The following DCLK2 variants were observed in gnomAD, a reference collection of about 807,000 sequenced individuals.
DCLK2 encodes the protein doublecortin like kinase 2.
Under a neutral mutation model 78.4 loss-of-function variants are expected in DCLK2, and 31 were observed. That is an observed-to-expected ratio of 0.40 (90% CI 0.30 to 0.53). The LOEUF (loss-of-function observed/expected upper bound fraction) is 0.53, where lower values mean the gene tolerates loss of function less well. Among genes scored for constraint, DCLK2 ranks in the 20% least tolerant of loss-of-function variants. The pLI is 0.61. For missense variants in DCLK2, 872 were observed against 973.7 expected, an observed-to-expected ratio of 0.90 and a Z score of 1.39; for synonymous variants, 407 against 374.9, an observed-to-expected ratio of 1.09 and a Z score of -0.99.
At chr4:150,155,826 G>C (rs892151660) in intron 2 of DCLK2, among the ~76,000 whole-genome samples, 4 of 152,134 alleles carry the variant, frequency 2.6e-5, no homozygotes, top group Non-Finnish European at 5.9e-5. Flanking sequence ...GAGGAAAACG[G>C]GAAGCCTACA....
chr4:150,160,364 C>T (rs1013001269), intron 2 of DCLK2, among the ~76,000 whole-genome samples: 1 of 152,018 alleles, frequency 6.6e-6, no homozygotes, highest in Non-Finnish European at 1.5e-5. Flanking sequence ...ATTTTTGTCC[C>T]CTGAGAGTTA....
At chr4:150,198,949 C>G (rs1739266936) in intron 4 of DCLK2, 1 of 975,224 alleles carries the variant, frequency 1.0e-6, no homozygotes, top group African/African-American at 1.7e-5. Flanking sequence ...TCGTTTTACC[C>G]TTTTGAACGC....
At chr4:150,095,815 C>G (rs550164668) in intron 1 of DCLK2, among the ~76,000 whole-genome samples, 4 of 152,090 alleles carry the variant, frequency 2.6e-5, no homozygotes, top group Non-Finnish European at 5.9e-5. Flanking sequence ...CTTGAAGGGT[C>G]AGTGGAAGAG....
intron 2 of DCLK2, among the ~76,000 whole-genome samples, chr4:150,190,238 GA>G: frequency 4.0e-5 from 1 of 24,760 alleles, no homozygotes; most frequent in East Asian, 2.4e-3. Flanking sequence ...TGGATAGTTA[GA>G]TAGATAGATA....
intron 2 of DCLK2, among the ~76,000 whole-genome samples, chr4:150,149,995 CAAAG>C (rs543042040): frequency 3.4e-4 from 51 of 152,114 alleles, no homozygotes; most frequent in African/African-American, 1.2e-3. Context: ...AGCATTTTGA[CAAAG>C]AACATAATTG....
At chr4:150,095,062 T>A (rs1730360395) in intron 1 of DCLK2, among the ~76,000 whole-genome samples, 1 of 152,230 alleles carries the variant, frequency 6.6e-6, no homozygotes, top group Non-Finnish European at 1.5e-5. Context: ...ATTAATATAT[T>A]GTAAGCTCAG....
intron 5 of DCLK2, among the ~76,000 whole-genome samples, chr4:150,214,796 T>C (rs1420069527): frequency 3.3e-5 from 5 of 152,032 alleles, no homozygotes; most frequent in African/African-American, 9.6e-5. Context: ...ACCCCATCTC[T>C]ACTAAAAATA....
chr4:150,225,475 T>C (rs1005385792), intron 8 of DCLK2, among the ~76,000 whole-genome samples: 9 of 152,254 alleles, frequency 5.9e-5, no homozygotes, highest in African/African-American at 2.2e-4. Context: ...TTAGATTCCA[T>C]TGTGGTAACA....
intron 3 of DCLK2, among the ~76,000 whole-genome samples, chr4:150,193,614 C>A (rs1738640145): frequency 6.6e-6 from 1 of 152,076 alleles, no homozygotes; most frequent in Admixed American, 6.6e-5. Context: ...GAACATGAAA[C>A]AATTAGTCAT....
intron 5 of DCLK2, among the ~76,000 whole-genome samples, chr4:150,216,199 T>G (rs1329206579): frequency 6.6e-6 from 1 of 152,240 alleles, no homozygotes; most frequent in East Asian, 1.9e-4. Flanking sequence ...CATAGGACCC[T>G]CTGACATAAC....
chr4:150,254,696 ATT>A (rs1744435206), intron 15 of DCLK2, among the ~76,000 whole-genome samples: 2 of 152,034 alleles, frequency 1.3e-5, no homozygotes, highest in African/African-American at 4.8e-5. Flanking sequence ...AGTTTTGTTT[ATT>A]GAGACAGGAT....
intron 2 of DCLK2, among the ~76,000 whole-genome samples, chr4:150,103,140 A>G (rs1356866306): frequency 6.6e-6 from 1 of 152,214 alleles, no homozygotes; most frequent in Non-Finnish European, 1.5e-5. Context: ...CATGTCATCT[A>G]TTTATGAATA....
intron 2 of DCLK2, among the ~76,000 whole-genome samples, chr4:150,117,797 T>C (rs1387682959): frequency 1.3e-5 from 2 of 152,170 alleles, no homozygotes; most frequent in Admixed American, 1.3e-4. Flanking sequence ...TTTCAGAGGG[T>C]CTGTGGTTTC....
At chr4:150,240,726 G>A (rs1266817040) in intron 12 of DCLK2, among the ~76,000 whole-genome samples, 1 of 136,120 alleles carries the variant, frequency 7.3e-6, no homozygotes, top group East Asian at 2.1e-4. Context: ...ATGTGCACAT[G>A]TACCCTAAAA....
rs530961783 is a variant in DCLK2, at chr4:150,250,263, C to G, written c.2073+579C>G. 6.9e-4 allele frequency among the ~76,000 whole-genome samples: 105 copies of G among 152,186 alleles called. 2 individuals are homozygous for G. The highest frequency in any genetic ancestry group is 2.5e-3 in the African/African-American group (102 of 41,514). ...ACAACGATGGCCTTATTTTTTTCAGCCTTTTCTTCTTCCAAAATGTTTCTT... is the reference window on the plus strand; with the variant it reads ...ACAACGATGGCCTTATTTTTTTCAGGCTTTTCTTCTTCCAAAATGTTTCTT... On this transcript the variant is annotated intron_variant, in intron 15 of 15. Transcript: ENST00000296550.
chr4:150,180,985 G>C (rs1446166783), intron 2 of DCLK2, among the ~76,000 whole-genome samples: 1 of 152,034 alleles, frequency 6.6e-6, no homozygotes, highest in South Asian at 2.1e-4. Context: ...CAGAGATCGG[G>C]AACACCCTGG....
At chr4:150,102,406 C>A in intron 1 of DCLK2, 72 bp from the exon 2 acceptor site, 1 of 1,460,096 alleles carries the variant, frequency 6.8e-7, no homozygotes, top group Non-Finnish European at 9.3e-7. Flanking sequence ...GGGTTTCCAG[C>A]ATCTGTTCTT....
intron 10 of DCLK2, among the ~76,000 whole-genome samples, chr4:150,237,716 C>A (rs544051096): frequency 1.3e-5 from 2 of 152,246 alleles, no homozygotes; most frequent in South Asian, 2.1e-4. Context: ...GATGATGTTG[C>A]TAACATGCTT....
intron 4 of DCLK2, among the ~76,000 whole-genome samples, chr4:150,201,310 T>C (rs1427223171): frequency 6.6e-6 from 1 of 152,098 alleles, no homozygotes; most frequent in Non-Finnish European, 1.5e-5. Flanking sequence ...GGCGGAGGCA[T>C]ACCTTCCACT....
Sources: allele counts gnomAD v4.1 joint callset (sites outside exome capture counted in the v4.1 genomes callset), GRCh38; gene constraint gnomAD v4.1.1; transcripts MANE v1.5; gene names NCBI Gene and HGNC (gene_info 2026-07-23, HGNC 2026-07-21).